Variants in SLC2A13 observed in about 807,000 individuals in gnomAD.
SLC2A13 encodes proton myo-inositol cotransporter.
SLC2A13 carries 32 observed loss-of-function variants against 64.4 expected under a neutral mutation model. That is an observed-to-expected ratio of 0.50 (90% CI 0.37 to 0.67). The LOEUF (loss-of-function observed/expected upper bound fraction) is 0.67, where lower values mean the gene tolerates loss of function less well. Among genes scored for constraint, SLC2A13 ranks in the 30% least tolerant of loss-of-function variants. The probability of loss-of-function intolerance (pLI) is 0.00; values close to 1 mark genes in which losing one functional copy is unlikely to be tolerated. For missense variants in SLC2A13, 743 were observed against 829.2 expected (o/e 0.90, Z 1.28); for synonymous variants, 338 against 327.1 (o/e 1.03, Z -0.36).
chr12:39,755,357 T>TAC lies in SLC2A13; in HGVS notation c.*4667_*4668dup, dbSNP rs1429206951. ...TAACATGCACTCAGAAATTAAAATA[T>TAC]ACAGTTTGAAATACATATATTTTAA... On this transcript the variant is annotated 3_prime_UTR_variant, in exon 10 of 10. Coordinates refer to ENST00000280871, the MANE Select transcript of SLC2A13 (RefSeq NM_052885.4). 1 of 152,070 alleles carries TAC rather than the reference T, an allele frequency of 6.6e-6. No individual in the cohort carries two copies. The highest frequency in any genetic ancestry group is 1.5e-5 in the Non-Finnish European group (1 of 67,900). The allele number at this position is 152,070 out of a possible 1,614,324, so 9.4% of individuals were successfully genotyped here. A position where few individuals can be genotyped will look rare whatever the true frequency, so the allele number is the denominator to read the frequency against.
At chr12:39,920,598 C>T (rs546623493) in intron 4 of SLC2A13, among the ~76,000 whole-genome samples, 1 of 152,134 alleles carries the variant, frequency 6.6e-6, no homozygotes, top group South Asian at 2.1e-4. Flanking sequence ...GACTCTGTAG[C>T]GGAGTAGTTA....
At chr12:39,845,150 G>A (rs866723480) in intron 6 of SLC2A13, among the ~76,000 whole-genome samples, 10 of 151,838 alleles carry the variant, frequency 6.6e-5, no homozygotes, top group Non-Finnish European at 1.2e-4. Flanking sequence ...GGGCAGTCAC[G>A]TTGCCTTTAA....
chr12:40,065,549 C>T (rs1937688012), intron 1 of SLC2A13, among the ~76,000 whole-genome samples: 1 of 152,102 alleles, frequency 6.6e-6, no homozygotes, highest in African/African-American at 2.4e-5. Flanking sequence ...CATATCACTG[C>T]ACTCCAGCCT....
chr12:39,827,004 G>C lies in SLC2A13; in HGVS notation c.1445+3099C>G, dbSNP rs1333171237. ...TGTGGTTTTACCATTACTTTTAATG[G>C]CAAAAAGTAATGGTAAAACCGCAGT... On this transcript the variant is annotated intron_variant, in intron 7 of 9. Coordinates refer to ENST00000280871, the MANE Select transcript of SLC2A13 (RefSeq NM_052885.4). Among the ~76,000 whole-genome samples the C allele has an allele frequency of 4.7e-5, 7 of 148,164 alleles. No homozygotes were observed. In the South Asian group the frequency reaches 9.2e-4, roughly 19 times the overall value.
chr12:39,890,198 T>C (rs1184107189), intron 4 of SLC2A13, among the ~76,000 whole-genome samples: 1 of 152,194 alleles, frequency 6.6e-6, no homozygotes, highest in Non-Finnish European at 1.5e-5. Context: ...AAGAATATTA[T>C]TCTCCTTACA....
intron 2 of SLC2A13, among the ~76,000 whole-genome samples, chr12:40,041,060 T>C (rs897607540): frequency 2.0e-5 from 3 of 152,030 alleles, no homozygotes; most frequent in Admixed American, 2.0e-4. Context: ...TTCAAGCAAT[T>C]CTTTGCCTCA....
chr12:39,947,477 T>C (rs1287406060), intron 4 of SLC2A13, among the ~76,000 whole-genome samples: 3 of 152,204 alleles, frequency 2.0e-5, no homozygotes, highest in Admixed American at 1.3e-4. Context: ...TAGTGTTTTC[T>C]TTCTCACTAC....
rs1474793235 is a variant in SLC2A13 at position 39,775,370 on chromosome 12, C to T, written c.1446-10512G>A. Among the ~76,000 whole-genome samples the T allele has an allele frequency of 3.3e-5, 5 of 152,182 alleles. No individual in the cohort carries two copies. The East Asian group carries it at 9.6e-4, about 29-fold the overall frequency. On this transcript the variant is annotated intron_variant, in intron 7 of 9. Transcript: ENST00000280871. ...CAAGGCAATAGGTGTATGCAAAATC[C>T]AGGACATGAGGATGTGGATGTGGCC...
chr12:40,065,816 G>T (rs1363427920), intron 1 of SLC2A13, among the ~76,000 whole-genome samples: 2 of 152,140 alleles, frequency 1.3e-5, no homozygotes, highest in Admixed American at 1.3e-4. Flanking sequence ...CATGAGGCAG[G>T]TTTTACATAA....
At chr12:40,012,713 C>T (rs1947550858) in intron 3 of SLC2A13, among the ~76,000 whole-genome samples, 1 of 152,292 alleles carries the variant, frequency 6.6e-6, no homozygotes, top group South Asian at 2.1e-4. Flanking sequence ...CAATAACTGT[C>T]ACAGATAACA....
intron 4 of SLC2A13, among the ~76,000 whole-genome samples, chr12:39,942,360 T>C (rs1164540153): frequency 6.6e-6 from 1 of 152,180 alleles, no homozygotes; most frequent in Non-Finnish European, 1.5e-5. Flanking sequence ...TGTGTTTCCA[T>C]TTGTTTGTGT....
At chr12:40,088,881 C>T (rs1195130663) in intron 1 of SLC2A13, among the ~76,000 whole-genome samples, 1 of 152,030 alleles carries the variant, frequency 6.6e-6, no homozygotes, top group African/African-American at 2.4e-5. Flanking sequence ...TTTATCCTAG[C>T]ATGGTAAAAT....
At chr12:39,848,401 C>T (rs866176044) in intron 6 of SLC2A13, among the ~76,000 whole-genome samples, 12 of 152,096 alleles carry the variant, frequency 7.9e-5, no homozygotes, top group Non-Finnish European at 8.8e-5. Flanking sequence ...GACATACGTG[C>T]AGCCAAGGAG....
At chr12:39,764,648 G>T in intron 8 of SLC2A13, 36 bp from the exon 9 acceptor site, 1 of 1,581,866 alleles carries the variant, frequency 6.3e-7, no homozygotes, top group Non-Finnish European at 8.6e-7. Flanking sequence ...TAGTAAAATA[G>T]CATGTAAGAA....
chr12:39,917,938 G>A (rs1297394984), intron 4 of SLC2A13, among the ~76,000 whole-genome samples: 3 of 151,284 alleles, frequency 2.0e-5, no homozygotes, highest in African/African-American at 7.3e-5. Context: ...TCAGCTTCCC[G>A]TTTCTCAATT....
At chr12:40,047,825 C>A (rs541587275) in intron 2 of SLC2A13, among the ~76,000 whole-genome samples, 1 of 152,086 alleles carries the variant, frequency 6.6e-6, no homozygotes, top group African/African-American at 2.4e-5. Context: ...CACCTAAATG[C>A]TAAAAAAGCC....
At chr12:39,887,820 C>T (rs778624454) in intron 4 of SLC2A13, among the ~76,000 whole-genome samples, 1 of 152,174 alleles carries the variant, frequency 6.6e-6, no homozygotes, top group Non-Finnish European at 1.5e-5. Context: ...TATGTTTATT[C>T]TTGTCATTGA....
At chr12:39,790,367 C>T (rs1466684950) in intron 7 of SLC2A13, among the ~76,000 whole-genome samples, 1 of 111,344 alleles carries the variant, frequency 9.0e-6, no homozygotes, top group Non-Finnish European at 1.7e-5. Context: ...CTATCCCTCC[C>T]CCCTCCCCCC....
intron 1 of SLC2A13, among the ~76,000 whole-genome samples, chr12:40,096,504 GA>G (rs201218292): frequency 8.7e-5 from 13 of 150,218 alleles, no homozygotes; most frequent in Non-Finnish European, 1.9e-4. Context: ...ATATAGATAA[GA>G]AAAAAAACAA....
Sources: gnomAD v4.1 joint callset for allele counts (sites outside exome capture counted in the v4.1 genomes callset) on GRCh38, gnomAD v4.1.1 for gene constraint, MANE v1.5 for transcripts, NCBI Gene and HGNC (gene_info 2026-07-23, HGNC 2026-07-21) for gene names.